The following CBLB variants were observed in gnomAD, a reference collection of about 807,000 sequenced individuals.
CBLB encodes Cbl proto-oncogene B.
A neutral mutation model predicts 104.9 loss-of-function variants in CBLB; 31 were observed. That is an observed-to-expected ratio of 0.30 (90% CI 0.22 to 0.40). The LOEUF is 0.40. Ranked by LOEUF, CBLB falls within the 10% of genes least tolerant of loss-of-function variation. The pLI is 1.00. For missense variants in CBLB, 1,062 were observed against 1,214.6 expected, an observed-to-expected ratio of 0.87 and a Z score of 1.87; for synonymous variants, 440 against 422.6, an observed-to-expected ratio of 1.04 and a Z score of -0.51.
intron 4 of CBLB, among the ~76,000 whole-genome samples, chr3:105,752,672 A>T (rs2152911831): frequency 6.6e-6 from 1 of 152,322 alleles, no homozygotes; most frequent in South Asian, 2.1e-4. Flanking sequence ...ATGCTATATC[A>T]ATCCTCTTCA....
chr3:105,772,188 T>C (rs1334190682), intron 4 of CBLB, among the ~76,000 whole-genome samples: 2 of 152,028 alleles, frequency 1.3e-5, no homozygotes, highest in East Asian at 3.9e-4. Flanking sequence ...CATAGACCAA[T>C]GGAACAGAAC....
At chr3:105,709,010 C>T (rs1474452885) in intron 10 of CBLB, among the ~76,000 whole-genome samples, 1 of 151,766 alleles carries the variant, frequency 6.6e-6, no homozygotes, top group Admixed American at 6.6e-5. Flanking sequence ...AAATGCCCAC[C>T]CTTGTTATTT....
chr3:105,766,702 T>C (rs917204892), intron 4 of CBLB, among the ~76,000 whole-genome samples: 3 of 152,182 alleles, frequency 2.0e-5, no homozygotes, highest in South Asian at 2.1e-4. Context: ...GACTACAGTA[T>C]AGTATAAATA....
intron 6 of CBLB, among the ~76,000 whole-genome samples, chr3:105,745,695 G>A (rs1301578569): frequency 6.6e-6 from 1 of 152,090 alleles, no homozygotes; most frequent in Non-Finnish European, 1.5e-5. Flanking sequence ...AAAACAGAAA[G>A]GAGACCATAT....
In CBLB at chr3:105,773,886, G is replaced by A. The variant is rs192717734; in HGVS notation, c.566+2510C>T. 3.3e-3 allele frequency among the ~76,000 whole-genome samples: 509 copies of A among 152,348 alleles called. 6 individuals carry two copies. Among genetic ancestry groups the A allele is most frequent in the South Asian group, 0.026 (127 of 4,820 alleles). ...CCAACAAATTTGCCATGATACATGTGTTACTGTTCCCCTTGGGCCACAAGG... is the reference window on the plus strand; with the variant it reads ...CCAACAAATTTGCCATGATACATGTATTACTGTTCCCCTTGGGCCACAAGG... On this transcript the variant is annotated intron_variant, in intron 4 of 18. Transcript: ENST00000394030.
Position 105,681,707 on chromosome 3 carries a change from T to C in CBLB, c.2296+17A>G, listed in dbSNP as rs1406727711. Reference sequence around the variant, plus strand: ...ATTAAGATGTACATCACAAAGGAAATTATATTCTATACGTACCCTTTAAAT... The same window carrying C: ...ATTAAGATGTACATCACAAAGGAAACTATATTCTATACGTACCCTTTAAAT... On this transcript the variant is annotated intron_variant, in intron 15 of 18. Coordinates refer to ENST00000394030, the MANE Select transcript of CBLB (RefSeq NM_170662.5). The C allele has an allele frequency of 1.3e-6, 2 of 1,594,188 alleles. No individual in the cohort carries two copies. The highest frequency in any genetic ancestry group is 1.1e-5 in the South Asian group (1 of 90,712).
intron 3 of CBLB, among the ~76,000 whole-genome samples, chr3:105,817,041 G>C (rs2085158330): frequency 6.6e-6 from 1 of 152,166 alleles, no homozygotes; most frequent in Admixed American, 6.5e-5. Flanking sequence ...AGATGAGTGG[G>C]AGAATTAGCA....
At chr3:105,717,301 G>C (rs1414900472) in intron 10 of CBLB, among the ~76,000 whole-genome samples, 1 of 152,062 alleles carries the variant, frequency 6.6e-6, no homozygotes, top group Non-Finnish European at 1.5e-5. Flanking sequence ...CTGCTACCTG[G>C]AGCACTTCAA....
intron 2 of CBLB, among the ~76,000 whole-genome samples, chr3:105,864,604 T>C (rs962424136): frequency 2.6e-5 from 4 of 152,176 alleles, no homozygotes; most frequent in African/African-American, 9.7e-5. Context: ...CCTCAAAACA[T>C]AGACTATGCT....
chr3:105,655,993 T>C lies in CBLB; in HGVS notation c.*2977A>G. On this transcript the variant is annotated 3_prime_UTR_variant, in exon 19 of 19. Coordinates refer to ENST00000394030, the MANE Select transcript of CBLB (RefSeq NM_170662.5). The stretch of plus-strand genomic sequence containing the variant: ...GCAGTGAGGGTTCTATTATGAAGAC[T>C]ATTTGCAATGTGGGCAAAAGGGAAA... 4.4e-6 allele frequency: 1 copy of C among 228,724 alleles called. No homozygotes were observed. 14.2% of individuals were successfully genotyped at this position (228,724 alleles called of 1,614,324 possible). A position where few individuals can be genotyped will look rare whatever the true frequency, so the allele number is the denominator to read the frequency against.
intron 2 of CBLB, among the ~76,000 whole-genome samples, chr3:105,864,159 T>A (rs757958968): frequency 6.6e-6 from 1 of 152,182 alleles, no homozygotes; most frequent in Non-Finnish European, 1.5e-5. Context: ...GAGGATGTTC[T>A]CTACTCTGTT....
chr3:105,846,232 C>CA (rs1287512234), intron 3 of CBLB, among the ~76,000 whole-genome samples: 2 of 151,720 alleles, frequency 1.3e-5, no homozygotes, highest in East Asian at 3.9e-4. Context: ...TCATCAAATT[C>CA]AAAATAATTG....
At chr3:105,688,350 A>C (rs1344693134) in intron 13 of CBLB, among the ~76,000 whole-genome samples, 1 of 151,848 alleles carries the variant, frequency 6.6e-6, no homozygotes, top group Non-Finnish European at 1.5e-5. Flanking sequence ...CACCCCCCCC[A>C]CAACCTGGAC....
chr3:105,738,529 AT>A (rs1321856144), intron 7 of CBLB, among the ~76,000 whole-genome samples: 4 of 152,074 alleles, frequency 2.6e-5, no homozygotes, highest in South Asian at 4.1e-4. Flanking sequence ...ATTTAAAAAA[AT>A]ATTATATAAA....
intron 16 of CBLB, among the ~76,000 whole-genome samples, chr3:105,679,896 A>G (rs972676617): frequency 6.6e-6 from 1 of 152,196 alleles, no homozygotes; most frequent in Non-Finnish European, 1.5e-5. Flanking sequence ...TTTTGCTATC[A>G]TTTTAACCTT....
At chr3:105,867,649 C>T (rs138498279) in intron 1 of CBLB, 58 bp from the exon 2 acceptor site, 1 of 1,482,036 alleles carries the variant, frequency 6.7e-7, no homozygotes, top group African/African-American at 1.4e-5. Flanking sequence ...TATTTACCCA[C>T]CAGAAAACTA....
intron 3 of CBLB, among the ~76,000 whole-genome samples, chr3:105,792,324 A>G (rs968804607): frequency 6.6e-6 from 1 of 152,200 alleles, no homozygotes; most frequent in South Asian, 2.1e-4. Flanking sequence ...GTCCCAAACC[A>G]CATATCTATC....
rs1279848687 is a variant in CBLB, at chr3:105,704,023, T to G, written c.1558A>C (p.Arg520=). 6.2e-7 allele frequency: 1 copy of G among 1,614,178 alleles called. No individual in the cohort carries two copies. Among genetic ancestry groups the G allele is most frequent in the Non-Finnish European group, 8.5e-7 (1 of 1,179,998 alleles). Reference sequence around the variant, plus strand: ...CCCGTTGGGCTGCCACAGGGAGATCTAACTATGCCTTTCTGAATTAGATCC... The same window carrying G: ...CCCGTTGGGCTGCCACAGGGAGATCGAACTATGCCTTTCTGAATTAGATCC... The part of the protein sequence containing the change: ...RLDLIQKGIV[R]SPCGSPTGSP... The change falls in exon 11 of 19, where the codon AGA becomes CGA. Residue 520 remains arginine (R), a synonymous_variant. Transcript: ENST00000394030.
In CBLB at chr3:105,751,015, C is replaced by T. The variant is rs539158193; in HGVS notation, c.723+447G>A. Among the ~76,000 whole-genome samples, 14 of 152,282 alleles carry T rather than the reference C, an allele frequency of 9.2e-5. No individual in the cohort carries two copies. In the South Asian group the frequency reaches 2.9e-3, roughly 32 times the overall value. On this transcript the variant is annotated intron_variant, in intron 5 of 18. Coordinates refer to ENST00000394030, the MANE Select transcript of CBLB (RefSeq NM_170662.5). The stretch of plus-strand genomic sequence containing the variant: ...GGACACAGTTCTGTCCTATACAGAA[C>T]AGTCTGATATTTCTAAGTTTACTAT...
Sources: allele counts gnomAD v4.1 joint callset (sites outside exome capture counted in the v4.1 genomes callset), GRCh38; gene constraint gnomAD v4.1.1; transcripts MANE v1.5; gene names NCBI Gene and HGNC (gene_info 2026-07-23, HGNC 2026-07-21).